The following NR4A1 variants were observed in gnomAD, a reference collection of about 807,000 sequenced individuals.
NR4A1 encodes nuclear receptor subfamily 4immunitygroup A member 1.
In NR4A1, 24 loss-of-function variants were observed where a neutral mutation model predicts 47.5. That is an observed-to-expected ratio of 0.50 (90% CI 0.37 to 0.71). The LOEUF (loss-of-function observed/expected upper bound fraction) is 0.71. Among genes scored for constraint, NR4A1 ranks in the 30% least tolerant of loss-of-function variants. The pLI is 0.00. For synonymous variants in NR4A1, 353 were observed against 345.7 expected, an observed-to-expected ratio of 1.02 and a Z score of -0.24; for missense variants, 669 against 788.6, an observed-to-expected ratio of 0.85 and a Z score of 1.82.
intron 2 of NR4A1, 68 bp downstream of exon 2, chr12:52,055,272 C>T: frequency 1.3e-6 from 2 of 1,580,754 alleles, no homozygotes; most frequent in East Asian, 2.3e-5. Context: ...CCCATTGGGA[C>T]CTGTGGTCTC....
At chr12:52,033,370 C>A (rs1205421897) in intron 1 of NR4A1, among the ~76,000 whole-genome samples, 1 of 152,238 alleles carries the variant, frequency 6.6e-6, no homozygotes, top group Admixed American at 6.5e-5. Flanking sequence ...GATTACGGGC[C>A]TCTCACTTCG....
At position 52,054,334 on chromosome 12, in the gene NR4A1, C is replaced by T; in HGVS notation, c.6C>T (p.Pro2=). 6.2e-7 allele frequency: 1 copy of T among 1,607,336 alleles called. No homozygotes were observed. The highest frequency in any genetic ancestry group is 8.5e-7 in the Non-Finnish European group (1 of 1,175,820). M[P]CIQAQYGTPA... is the part of the protein sequence containing the mutation. ...GGTCTCCTCTCTCTCCAGAGATGCC[C>T]TGTATCCAAGCCCAATATGGGACAC... The change falls in exon 2 of 7, where the codon CCC becomes CCT. Residue 2 remains proline (P), a synonymous_variant. Transcript: ENST00000394825.
At chr12:52,050,358 G>A (rs553232889), upstream of NR4A1, among the ~76,000 whole-genome samples, 112 of 152,346 alleles carry the variant, frequency 7.4e-4, no homozygotes, top group Non-Finnish European at 2.2e-4. Context: ...GTATTGATAA[G>A]AGGCGTGGAG....
intron 1 of NR4A1, among the ~76,000 whole-genome samples, chr12:52,052,304 T>TGTGTGTGTGTGA (rs398019589): frequency 1.4e-5 from 1 of 70,592 alleles, no homozygotes; most frequent in Non-Finnish European, 3.3e-5. Context: ...TGTGTGTGTG[T>TGTGTGTGTGTGA]GAGAGAGAGA....
At chr12:52,041,800 C>T (rs1938449221) in intron 1 of NR4A1, 6 of 1,359,534 alleles carry the variant, frequency 4.4e-6, no homozygotes, top group Non-Finnish European at 5.7e-6. Flanking sequence ...CATCGACTCT[C>T]CCTCTGTAGG....
chr12:52,038,560 G>A (rs768063780), intron 1 of NR4A1: 7 of 613,516 alleles, frequency 1.1e-5, no homozygotes, highest in Admixed American at 2.4e-5. Context: ...GGATTTGGGG[G>A]CTGTCGTCGG....
chr12:52,035,290 T>C (rs1411004651), intron 1 of NR4A1, among the ~76,000 whole-genome samples: 2 of 152,206 alleles, frequency 1.3e-5, no homozygotes, highest in Non-Finnish European at 2.9e-5. Context: ...TGATTATAAA[T>C]AGGAGAATAT....
chr12:52,044,451 C>G (rs1432289797), intron 2 of NR4A1, among the ~76,000 whole-genome samples: 1 of 152,164 alleles, frequency 6.6e-6, no homozygotes, highest in Admixed American at 6.5e-5. Flanking sequence ...CAGCTTGCCA[C>G]AAACACGCTC....
In NR4A1 at chr12:52,057,468, T is replaced by C; in HGVS notation, c.1478T>C (p.Leu493Pro). ...AGTATCCTGGCCTTCTCAAGGTCCCTGCACAGCTTGCTTGTCGATGTCCCT... is the reference window on the plus strand; with the variant it reads ...AGTATCCTGGCCTTCTCAAGGTCCCCGCACAGCTTGCTTGTCGATGTCCCT... ...IDSILAFSRS[L>P]HSLLVDVPAF... The change falls in exon 6 of 7, where the codon CTG (leucine) becomes CCG (proline). Residue 493 changes from leucine (L) to proline (P), a missense_variant. By Grantham distance (98) the Leu-to-Pro change is moderately conservative. Transcript: ENST00000394825. 1.9e-6 allele frequency: 3 copies of C among 1,614,230 alleles called. No homozygotes were observed. Among genetic ancestry groups the C allele is most frequent in the Non-Finnish European group, 2.5e-6 (3 of 1,180,040 alleles).
exon 2 of NR4A1, chr12:52,041,840 C>T: frequency 1.3e-6 from 2 of 1,502,706 alleles, no homozygotes; most frequent in South Asian, 1.4e-5. Flanking sequence ...CCAGGCCCTG[C>T]CCCTCCCAGG....
At chr12:52,040,386 G>A (rs530320461) in intron 1 of NR4A1, among the ~76,000 whole-genome samples, 15 of 152,240 alleles carry the variant, frequency 9.9e-5, no homozygotes, top group African/African-American at 3.6e-4. Flanking sequence ...GTGGTATTTG[G>A]CCCTCCCTAC....
intron 1 of NR4A1, among the ~76,000 whole-genome samples, chr12:52,030,855 G>C (rs916027189): frequency 6.6e-6 from 1 of 152,158 alleles, no homozygotes; most frequent in Non-Finnish European, 1.5e-5. Flanking sequence ...CTGTGGATTG[G>C]GCTGAGTGCT....
intron 2 of NR4A1, among the ~76,000 whole-genome samples, chr12:52,042,293 G>A (rs898921592): frequency 6.6e-6 from 1 of 152,050 alleles, no homozygotes; most frequent in African/African-American, 2.4e-5. Context: ...GGAGCATCAT[G>A]GGGCAGACGT....
intron 1 of NR4A1, among the ~76,000 whole-genome samples, chr12:52,031,103 A>G (rs537651149): frequency 4.9e-4 from 74 of 151,692 alleles, no homozygotes; most frequent in Admixed American, 4.1e-3. Context: ...ACAGCCTCAG[A>G]CTCCTGGGCT....
intron 2 of NR4A1, 53 bp from the exon 3 acceptor site, chr12:52,055,977 C>A (rs1439511851): frequency 3.3e-6 from 2 of 597,524 alleles, no homozygotes; most frequent in Non-Finnish European, 5.2e-6. Context: ...CCTAAGTTCC[C>A]CCCTCCCCAC....
Position 52,054,912 on chromosome 12 carries a change from C to T in NR4A1, c.584C>T (p.Pro195Leu), listed in dbSNP as rs371314708. ...QPPAFFSFSP[P>L]TGPSPSLAQS... ...CCAGCCTTCTTTTCCTTCAGTCCTC[C>T]CACCGGCCCCAGCCCCAGCCTGGCC... The change falls in exon 2 of 7, where the codon CCC becomes CTC. Residue 195 changes from proline (P) to leucine (L), a missense_variant. Coordinates refer to ENST00000394825, the MANE Select transcript of NR4A1 (RefSeq NM_173157.3). 1.2e-6 allele frequency: 2 copies of T among 1,614,182 alleles called. No homozygotes were observed. Among genetic ancestry groups the T allele is most frequent in the Non-Finnish European group, 1.7e-6 (2 of 1,180,046 alleles).
At chr12:52,046,143 T>A (rs544047380) in intron 2 of NR4A1, among the ~76,000 whole-genome samples, 15 of 152,022 alleles carry the variant, frequency 9.9e-5, no homozygotes, top group African/African-American at 2.9e-4. Context: ...TCAGTAGGGG[T>A]GGGGCCCAGC....
At position 52,059,155 on chromosome 12, in the gene NR4A1, C is replaced by G. The variant is rs930520765; in HGVS notation, c.*211C>G. ...TGACCCCACGATTTGTCTTATCCCC[C>G]CCAGCCTGGCCCCGGCCTTTATGTT... On this transcript the variant is annotated 3_prime_UTR_variant, in exon 7 of 7. Transcript: ENST00000394825. 4 of 612,628 alleles carry G rather than the reference C, an allele frequency of 6.5e-6. No individual in the cohort carries two copies. The highest frequency in any genetic ancestry group is 1.1e-5 in the Non-Finnish European group (4 of 360,126). 37.9% of individuals were successfully genotyped at this position (612,628 alleles called of 1,614,324 possible).
At chr12:52,043,831 C>T in intron 2 of NR4A1, 1 of 1,288,910 alleles carries the variant, frequency 7.8e-7, no homozygotes, top group South Asian at 1.2e-5. Flanking sequence ...GAAGAGCCCC[C>T]AACCAATCTT....
Sources: gnomAD v4.1 joint callset for allele counts (sites outside exome capture counted in the v4.1 genomes callset) on GRCh38, gnomAD v4.1.1 for gene constraint, MANE v1.5 for transcripts, NCBI Gene and HGNC (gene_info 2026-07-23, HGNC 2026-07-21) for gene names.